The following KCNA6 variants were observed in gnomAD, a reference collection of about 807,000 sequenced individuals.
KCNA6 encodes human brain potassium channel-2.
A neutral mutation model predicts 29.5 loss-of-function variants in KCNA6; 17 were observed. That is an observed-to-expected ratio of 0.58 (90% CI 0.39 to 0.86). The LOEUF is 0.86. KCNA6 is among the 40% of genes least tolerant of loss of function. The pLI is 0.00. For synonymous variants in KCNA6, 296 were observed against 304.7 expected (o/e 0.97, Z 0.30); for missense variants, 450 against 703.4 (o/e 0.64, Z 4.07).
At chr12:4,819,374 C>G in the KCNA6 span, among the ~76,000 whole-genome samples, 2 of 152,232 alleles carry the variant, frequency 1.3e-5, no homozygotes, top group Non-Finnish European at 2.9e-5. Context: ...CTACCCTGTT[C>G]CAGTGGCTTT....
chr12:4,836,680 A>G, the KCNA6 span, among the ~76,000 whole-genome samples: 2 of 152,138 alleles, frequency 1.3e-5, no homozygotes, highest in Admixed American at 6.5e-5. Flanking sequence ...TCTGAAGGCC[A>G]TGGGAGCAAG....
the KCNA6 span, among the ~76,000 whole-genome samples, chr12:4,822,583 T>G: frequency 3.3e-5 from 5 of 152,196 alleles, no homozygotes; most frequent in Admixed American, 2.6e-4. Context: ...GAATGTGTGA[T>G]GTAATTCAGA....
the KCNA6 span, among the ~76,000 whole-genome samples, chr12:4,836,391 C>G: frequency 6.6e-6 from 1 of 152,138 alleles, no homozygotes; most frequent in South Asian, 2.1e-4. Context: ...ACAACAAATT[C>G]TTCTTTGGCA....
At chr12:4,809,885 G>A in exon 1 of KCNA6, 1 of 808,314 alleles carries the variant, frequency 1.2e-6, no homozygotes, top group African/African-American at 1.7e-5. Context: ...GGGCTTTAGG[G>A]CTCACGGACC....
chr12:4,847,218 T>C, the KCNA6 span, among the ~76,000 whole-genome samples: 1 of 152,192 alleles, frequency 6.6e-6, no homozygotes, highest in Non-Finnish European at 1.5e-5. Flanking sequence ...TTTGGTAAAA[T>C]CTGATATCTT....
At chr12:4,825,700 C>G in the KCNA6 span, among the ~76,000 whole-genome samples, 1 of 152,206 alleles carries the variant, frequency 6.6e-6, no homozygotes, top group Non-Finnish European at 1.5e-5. Flanking sequence ...AAAACACATC[C>G]TCTTCCCTAT....
chr12:4,811,467 C>A lies in KCNA6; in HGVS notation c.1426C>A (p.Gln476Lys). Residue 476 changes from glutamine (Q) to lysine (K), a missense_variant, in exon 1 of 1, where the codon CAG becomes AAG. Coordinates refer to ENST00000280684, the Ensembl canonical transcript of KCNA6. The surrounding 1 kb of genome is among the most constrained non-coding windows in gnomAD (Gnocchi z 7.1). The stretch of plus-strand genomic sequence containing the variant: ...GGAGACGGAGCAGGAGGAGCAAGGC[C>A]AGTATACCCACGTCACTTGTGGGCA... 6.2e-7 allele frequency: 1 copy of A among 1,614,222 alleles called. No homozygotes were observed. The highest frequency in any genetic ancestry group is 8.5e-7 in the Non-Finnish European group (1 of 1,180,036).
chr12:4,838,703 G>T, the KCNA6 span, among the ~76,000 whole-genome samples: 38 of 152,182 alleles, frequency 2.5e-4, 1 homozygote, highest in Non-Finnish European at 4.3e-4. Context: ...CTAGAAATCC[G>T]TCATCAAGGT....
chr12:4,828,221 T>G, the KCNA6 span, among the ~76,000 whole-genome samples: 2 of 152,232 alleles, frequency 1.3e-5, no homozygotes, highest in Admixed American at 6.5e-5. Context: ...CACTCAGTGT[T>G]GGAACTTGGT....
At chr12:4,840,942 C>T in the KCNA6 span, among the ~76,000 whole-genome samples, 1 of 152,156 alleles carries the variant, frequency 6.6e-6, no homozygotes, top group African/African-American at 2.4e-5. Context: ...CTGAGGGGAG[C>T]TTATTTAAGG....
At chr12:4,821,418 A>ATGTGTGTGTGTGTGTG in the KCNA6 span, among the ~76,000 whole-genome samples, 1 of 143,420 alleles carries the variant, frequency 7.0e-6, no homozygotes, top group Admixed American at 6.9e-5. Flanking sequence ...ACTCACTTGG[A>ATGTGTGTGTGTGTGTG]TGTGTGTGTG....
At chr12:4,840,871 C>T in the KCNA6 span, among the ~76,000 whole-genome samples, 1 of 152,130 alleles carries the variant, frequency 6.6e-6, no homozygotes, top group Non-Finnish European at 1.5e-5. Flanking sequence ...GGAAGATTCT[C>T]AATTGTATTA....
chr12:4,819,127 T>C, the KCNA6 span, among the ~76,000 whole-genome samples: 1 of 152,126 alleles, frequency 6.6e-6, no homozygotes, highest in Non-Finnish European at 1.5e-5. Context: ...CACAAACACA[T>C]ATGGTGCTAT....
At chr12:4,843,717 C>A in the KCNA6 span, among the ~76,000 whole-genome samples, 1 of 152,106 alleles carries the variant, frequency 6.6e-6, no homozygotes, top group South Asian at 2.1e-4. Context: ...TGGGAGCAGG[C>A]AGTTCACGTG....
chr12:4,811,611 A>C lies in KCNA6; in HGVS notation c.1570A>C (p.Arg524=). Residue 524 remains arginine, a synonymous_variant, in exon 1 of 1, where the codon AGA becomes CGA. Transcript: ENST00000280684. This position sits in a 1 kb window ranked among gnomAD's most constrained non-coding sequence, Gnocchi z 7.1. ...ACCACATCGGGCCTATGCAGAGAAAAGAATGCTCACGGAGGTCTGACCCAT... is the reference window on the plus strand; with the variant it reads ...ACCACATCGGGCCTATGCAGAGAAACGAATGCTCACGGAGGTCTGACCCAT... 6.2e-7 allele frequency: 1 copy of C among 1,613,972 alleles called. No homozygotes were observed. Among genetic ancestry groups the C allele is most frequent in the Non-Finnish European group, 8.5e-7 (1 of 1,179,868 alleles).
the KCNA6 span, among the ~76,000 whole-genome samples, chr12:4,819,723 C>T: frequency 2.6e-5 from 4 of 152,356 alleles, no homozygotes; most frequent in African/African-American, 9.6e-5. Context: ...GGCAAGGTGA[C>T]GTGGCTGCCC....
chr12:4,842,905 T>C, the KCNA6 span, among the ~76,000 whole-genome samples: 1 of 152,076 alleles, frequency 6.6e-6, no homozygotes, highest in Admixed American at 6.5e-5. Flanking sequence ...GGACCAATTA[T>C]AAAACTTGTG....
the KCNA6 span, among the ~76,000 whole-genome samples, chr12:4,820,117 A>C: frequency 6.6e-6 from 1 of 152,184 alleles, no homozygotes; most frequent in Non-Finnish European, 1.5e-5. Context: ...TGACATAAAA[A>C]ATAGACTCAG....
the KCNA6 span, among the ~76,000 whole-genome samples, chr12:4,829,206 A>G: frequency 5.9e-5 from 9 of 152,090 alleles, no homozygotes; most frequent in Admixed American, 1.3e-4. Flanking sequence ...GTGTCATTTT[A>G]TAATTGGAGT....
Sources: gnomAD v4.1 joint callset for allele counts (sites outside exome capture counted in the v4.1 genomes callset) on GRCh38, gnomAD v4.1.1 for gene constraint, Gnocchi (gnomAD v3.1) non-coding constraint, MANE v1.5 for transcripts, NCBI Gene and HGNC (gene_info 2026-07-23, HGNC 2026-07-21) for gene names.